CREB3L1: variants seen among roughly 807,000 people sequenced by gnomAD.
CREB3L1 encodes the protein cAMP responsive element binding protein 3 like 1.
Under a neutral mutation model 54.5 loss-of-function variants are expected in CREB3L1, and 33 were observed. That is an observed-to-expected ratio of 0.61 (90% CI 0.46 to 0.81). The LOEUF (loss-of-function observed/expected upper bound fraction) is 0.81. Among genes scored for constraint, CREB3L1 ranks in the 30% least tolerant of loss-of-function variants. The pLI, the probability that CREB3L1 is intolerant of heterozygous loss-of-function variation, is 0.00. For synonymous variants in CREB3L1, 284 were observed against 286.4 expected (o/e 0.99, Z 0.08); for missense variants, 656 against 673.3 (o/e 0.97, Z 0.29).
chr11:46,313,847 G>A (rs1322553959), intron 8 of CREB3L1, among the ~76,000 whole-genome samples: 1 of 152,112 alleles, frequency 6.6e-6, no homozygotes, highest in East Asian at 1.9e-4. Flanking sequence ...TCACAGCTCT[G>A]GGTTCTTACG....
In CREB3L1 at chr11:46,311,116, C is replaced by T. The variant is rs776576938; in HGVS notation, c.680C>T (p.Pro227Leu). ...TCCCAGAGTCCCCGCTCTCTGCCCC[C>T]CTCCAGCCCTGTCAGGCCCATGGCG... ...DGSQSPRSLP[P>L]SSPVRPMARS... Residue 227 changes from proline to leucine, a missense_variant, in exon 5 of 12, where the codon CCC becomes CTC. Pro to Leu is a moderately conservative substitution (Grantham distance 98, BLOSUM62 -3). Coordinates refer to ENST00000621158, the MANE Select transcript of CREB3L1 (RefSeq NM_052854.4). 6.2e-6 allele frequency: 10 copies of T among 1,607,736 alleles called. No individual in the cohort carries two copies. Among genetic ancestry groups the T allele is most frequent in the South Asian group, 1.1e-5 (1 of 90,866 alleles).
chr11:46,283,779 A>G (rs1227485081), intron 1 of CREB3L1, among the ~76,000 whole-genome samples: 1 of 152,098 alleles, frequency 6.6e-6, no homozygotes. Context: ...GCTGCTTAGG[A>G]GACTGATGTG....
Position 46,295,432 on chromosome 11 carries a change from C to A in CREB3L1, c.103-4503C>A, listed in dbSNP as rs1238213995. 1 of 151,822 alleles carries A rather than the reference C, an allele frequency of 6.6e-6. No individual in the cohort carries two copies. The highest frequency in any genetic ancestry group is 1.5e-5 in the Non-Finnish European group (1 of 67,948). 9.4% of individuals were successfully genotyped at this position (151,822 alleles called of 1,614,324 possible). ...GACCCTCGGTCTCCACTTCTCCCTG[C>A]GGGGGTGGGGGCGGGGCCGCGCTAC... On this transcript the variant is annotated intron_variant, in intron 1 of 11. Transcript: ENST00000621158. This position sits in a 1 kb window ranked among gnomAD's most constrained non-coding sequence, Gnocchi z 4.6.
At chr11:46,319,844 A>G (rs12294928) in intron 10 of CREB3L1, among the ~76,000 whole-genome samples, 62,144 of 150,010 alleles carry the variant, frequency 0.41, 17,766 homozygotes, top group African/African-American at 0.82. Context: ...CTGCCATTGC[A>G]CTCCAGCCTG....
At chr11:46,279,784 G>A (rs919866446) in intron 1 of CREB3L1, among the ~76,000 whole-genome samples, 3 of 152,176 alleles carry the variant, frequency 2.0e-5, no homozygotes, top group African/African-American at 7.2e-5. Context: ...GTCAAGCAGG[G>A]CAGTAGAGCC....
rs114522039 is a variant in CREB3L1 at position 46,278,913 on chromosome 11, G to C, written c.102+700G>C. ...TCCCTATGTCTTCTTGACTAGGTCC[G>C]ACTGTGAGCTTGTCTTTCTCCTCTT... On this transcript the variant is annotated intron_variant, in intron 1 of 11. Transcript: ENST00000621158. This position sits in a 1 kb window ranked among gnomAD's most constrained non-coding sequence, Gnocchi z 4.2. Among the ~76,000 whole-genome samples, 1,014 of 152,246 alleles carry C rather than the reference G, an allele frequency of 6.7e-3. 7 individuals are homozygous for C. The highest frequency in any genetic ancestry group is 0.024 in the African/African-American group (981 of 41,548).
intron 9 of CREB3L1, among the ~76,000 whole-genome samples, chr11:46,316,738 T>C (rs917594191): frequency 6.6e-6 from 1 of 152,136 alleles, no homozygotes; most frequent in Non-Finnish European, 1.5e-5. Flanking sequence ...ACATGGTTCT[T>C]TCTGGAACAG....
At chr11:46,313,329 G>A (rs965065980) in intron 8 of CREB3L1, among the ~76,000 whole-genome samples, 1 of 152,170 alleles carries the variant, frequency 6.6e-6, no homozygotes, top group Non-Finnish European at 1.5e-5. Flanking sequence ...AACCACTGGT[G>A]TAAATCCTTG....
In CREB3L1 at chr11:46,312,599, C is replaced by T; in HGVS notation, c.904-13C>T. On this transcript the variant is annotated splice_polypyrimidine_tract_variant and intron_variant, in intron 6 of 11. Transcript: ENST00000621158. ...GGCAGTGCTAACCCTTGTTTTCGGGCCTCCCCCTCTAGATCTCAGCCCAGG... is the reference window on the plus strand; with the variant it reads ...GGCAGTGCTAACCCTTGTTTTCGGGTCTCCCCCTCTAGATCTCAGCCCAGG... 6.2e-7 allele frequency: 1 copy of T among 1,610,408 alleles called. No individual in the cohort carries two copies. The highest frequency in any genetic ancestry group is 1.3e-5 in the African/African-American group (1 of 74,958).
chr11:46,301,863 G>A (rs1311384510), intron 2 of CREB3L1, among the ~76,000 whole-genome samples: 2 of 151,578 alleles, frequency 1.3e-5, no homozygotes, highest in African/African-American at 4.9e-5. Context: ...AGACAGGAGA[G>A]TCACTTGAAC....
intron 1 of CREB3L1, among the ~76,000 whole-genome samples, chr11:46,289,329 A>G (rs1218046000): frequency 1.3e-5 from 2 of 152,208 alleles, no homozygotes; most frequent in African/African-American, 4.8e-5. Flanking sequence ...CAGTGACCCA[A>G]GATGGTACCA....
chr11:46,320,687 G>T (rs781415983), intron 11 of CREB3L1, 23 bp from the exon 12 acceptor site: 2 of 1,606,938 alleles, frequency 1.2e-6, no homozygotes, highest in Admixed American at 1.7e-5. Flanking sequence ...GACAGTCATC[G>T]CTGGCCTCTC....
rs1257501359 is a variant in CREB3L1, at chr11:46,320,836, C to T, written c.*90C>T. 7.4e-7 allele frequency: 1 copy of T among 1,345,694 alleles called. No individual in the cohort carries two copies. The highest frequency in any genetic ancestry group is 1.5e-5 in the African/African-American group (1 of 68,832). 83.4% of individuals were successfully genotyped at this position (1,345,694 alleles called of 1,614,324 possible). On this transcript the variant is annotated 3_prime_UTR_variant, in exon 12 of 12. Transcript: ENST00000621158. ...AACCCGGATCCGCCTCGTGCCCCTG[C>T]CTCCTGGAGCTTCCCATTCCAGGAG... is the stretch of plus-strand genomic sequence containing the variant.
At chr11:46,289,420 G>A (rs907470905) in intron 1 of CREB3L1, among the ~76,000 whole-genome samples, 5 of 152,174 alleles carry the variant, frequency 3.3e-5, no homozygotes, top group African/African-American at 4.8e-5. Flanking sequence ...CTACCCGAAA[G>A]AAGGGTAACG....
Position 46,321,354 on chromosome 11 carries a change from T to C in CREB3L1, c.*608T>C, listed in dbSNP as rs1346001955. 5 of 218,292 alleles carry C rather than the reference T, an allele frequency of 2.3e-5. No homozygotes were observed. The East Asian group carries it at 2.7e-4, about 12-fold the overall frequency. 13.5% of individuals were successfully genotyped at this position (218,292 alleles called of 1,614,324 possible). ...GGCCTTTTTAATTGCCAAACTGCTC[T>C]CTTCATCAGCTCAGCACATGCTTTA... is the stretch of plus-strand genomic sequence containing the variant. On this transcript the variant is annotated 3_prime_UTR_variant, in exon 12 of 12. Transcript: ENST00000621158.
rs1031263368 is a variant in CREB3L1 at position 46,320,716 on chromosome 11, G to A, written c.1530G>A (p.Leu510=). ...HSKEWFHDRD[L]GPNTTIKLS ...GCCTCTCTTCTCTCTCCAGGGATCTGGGCCCCAACACCACCATCAAACTCT... is the reference window on the plus strand; with the variant it reads ...GCCTCTCTTCTCTCTCCAGGGATCTAGGCCCCAACACCACCATCAAACTCT... The change falls in exon 12 of 12, where the codon CTG becomes CTA. Residue 510 remains leucine (L), a synonymous_variant. Coordinates refer to ENST00000621158, the MANE Select transcript of CREB3L1 (RefSeq NM_052854.4). 7 of 1,611,964 alleles carry A rather than the reference G, an allele frequency of 4.3e-6. No homozygotes were observed. The highest frequency in any genetic ancestry group is 5.9e-6 in the Non-Finnish European group (7 of 1,179,152).
chr11:46,300,132 T>G lies in CREB3L1; in HGVS notation c.300T>G (p.Leu100=). 6.2e-7 allele frequency: 1 copy of G among 1,613,416 alleles called. No individual in the cohort carries two copies. The highest frequency in any genetic ancestry group is 8.5e-7 in the Non-Finnish European group (1 of 1,179,658). ...LSGDSAPQSP[L]VPIKMEDTTQ... ...GCGACTCAGCGCCCCAGAGCCCCCTTGTGCCCATCAAGATGGAGGACACCA... is the reference window on the plus strand; with the variant it reads ...GCGACTCAGCGCCCCAGAGCCCCCTGGTGCCCATCAAGATGGAGGACACCA... Residue 100 remains leucine (L), a synonymous_variant, in exon 2 of 12, where the codon CTT becomes CTG. Transcript: ENST00000621158.
intron 1 of CREB3L1, among the ~76,000 whole-genome samples, chr11:46,299,662 C>T (rs544001294): frequency 6.6e-6 from 1 of 152,114 alleles, no homozygotes; most frequent in African/African-American, 2.4e-5. Context: ...CTGAGCTCAC[C>T]CTTGCAGATA....
chr11:46,319,252 G>A (rs1939611940), intron 10 of CREB3L1, among the ~76,000 whole-genome samples: 1 of 152,166 alleles, frequency 6.6e-6, no homozygotes, highest in African/African-American at 2.4e-5. Flanking sequence ...GCAGTTCCAG[G>A]GACCTCTGTT....
Sources: allele counts gnomAD v4.1 joint callset (sites outside exome capture counted in the v4.1 genomes callset), GRCh38; gene constraint gnomAD v4.1.1; non-coding constraint Gnocchi (gnomAD v3.1); transcripts MANE v1.5; gene names NCBI Gene and HGNC (gene_info 2026-07-23, HGNC 2026-07-21).